ADCY2: variants seen among roughly 807,000 people sequenced by gnomAD.
ADCY2 encodes adenylate cyclase type 2.
Under a neutral mutation model 125.2 loss-of-function variants are expected in ADCY2, and 31 were observed. That is an observed-to-expected ratio of 0.25 (90% confidence interval 0.19 to 0.33). The LOEUF (loss-of-function observed/expected upper bound fraction) is 0.33. Ranked by LOEUF, ADCY2 falls within the 10% of genes least tolerant of loss-of-function variation. The probability of loss-of-function intolerance (pLI) is 1.00; values close to 1 mark genes in which losing one functional copy is unlikely to be tolerated. For synonymous variants in ADCY2, 512 were observed against 548.4 expected, an observed-to-expected ratio of 0.93 and a Z score of 0.93; for missense variants, 904 against 1,418.2, an observed-to-expected ratio of 0.64 and a Z score of 5.82.
intron 3 of ADCY2, among the ~76,000 whole-genome samples, chr5:7,560,765 T>C (rs1239421272): frequency 1.3e-5 from 2 of 152,228 alleles, no homozygotes; most frequent in Non-Finnish European, 2.9e-5. Context: ...GTCAGCTCAC[T>C]GCAACCTCCA....
chr5:7,690,633 T>C, intron 4 of ADCY2, 58 bp from the exon 5 acceptor site: 1 of 1,396,588 alleles, frequency 7.2e-7, no homozygotes, highest in Non-Finnish European at 9.4e-7. Flanking sequence ...CCAATGTTAT[T>C]TGGTCATCCC....
At chr5:7,526,654 C>T (rs531027028) in intron 3 of ADCY2, among the ~76,000 whole-genome samples, 2 of 152,262 alleles carry the variant, frequency 1.3e-5, no homozygotes, top group South Asian at 4.1e-4. Context: ...AGAGAACTAA[C>T]ACATTTTGAA....
At chr5:7,534,047 G>A (rs1438455502) in intron 3 of ADCY2, among the ~76,000 whole-genome samples, 1 of 152,198 alleles carries the variant, frequency 6.6e-6, no homozygotes, top group Non-Finnish European at 1.5e-5. Context: ...CTGGAGTCCA[G>A]CCTCCTGAGT....
chr5:7,656,020 C>CCTCAAACA (rs1739310810), intron 4 of ADCY2, among the ~76,000 whole-genome samples: 1 of 151,910 alleles, frequency 6.6e-6, no homozygotes, highest in Non-Finnish European at 1.5e-5. Flanking sequence ...AGACACCTCT[C>CCTCAAACA]CTCAAACATG....
At chr5:7,479,254 C>T (rs558481401) in intron 2 of ADCY2, among the ~76,000 whole-genome samples, 17 of 152,016 alleles carry the variant, frequency 1.1e-4, no homozygotes, top group African/African-American at 4.1e-4. Context: ...ATAAATAAAC[C>T]ATGGTGTCGC....
chr5:7,685,803 T>C (rs1740503318), intron 4 of ADCY2, among the ~76,000 whole-genome samples: 1 of 152,188 alleles, frequency 6.6e-6, no homozygotes, highest in South Asian at 2.1e-4. Context: ...CATTTTGTGT[T>C]GATGGACAAC....
At chr5:7,594,758 T>C (rs1429512002) in intron 3 of ADCY2, among the ~76,000 whole-genome samples, 2 of 152,182 alleles carry the variant, frequency 1.3e-5, no homozygotes, top group African/African-American at 4.8e-5. Flanking sequence ...TTTTCTATAT[T>C]TGGGAAACAT....
chr5:7,467,432 G>T (rs773415074), intron 2 of ADCY2, among the ~76,000 whole-genome samples: 1 of 152,144 alleles, frequency 6.6e-6, no homozygotes, highest in Non-Finnish European at 1.5e-5. Flanking sequence ...AGCATTGACC[G>T]CCGTGGAGAA....
intron 2 of ADCY2, among the ~76,000 whole-genome samples, chr5:7,463,618 T>TA (rs33927169): frequency 0.028 from 2,909 of 102,510 alleles, 53 homozygotes; most frequent in African/African-American, 0.054. Flanking sequence ...AGGTGATAGA[T>TA]AAAAAAAAAA....
chr5:7,635,770 TAGAGGAAG>T (rs1738479156), intron 4 of ADCY2, among the ~76,000 whole-genome samples: 1 of 152,166 alleles, frequency 6.6e-6, no homozygotes, highest in South Asian at 2.1e-4. Flanking sequence ...TGAGCAGGAA[TAGAGGAAG>T]ATGAAGAAGC....
At chr5:7,541,315 G>A (rs1734985885) in intron 3 of ADCY2, among the ~76,000 whole-genome samples, 1 of 152,216 alleles carries the variant, frequency 6.6e-6, no homozygotes, top group Admixed American at 6.5e-5. Flanking sequence ...TCAGCAGATG[G>A]TGTGAAATGC....
At chr5:7,668,894 AT>A (rs1739842541) in intron 4 of ADCY2, among the ~76,000 whole-genome samples, 1 of 152,218 alleles carries the variant, frequency 6.6e-6, no homozygotes, top group Non-Finnish European at 1.5e-5. Context: ...ATAGCCTGAA[AT>A]CCACCATAGC....
intron 22 of ADCY2, among the ~76,000 whole-genome samples, chr5:7,810,641 C>A (rs1407509086): frequency 6.6e-6 from 1 of 151,672 alleles, no homozygotes; most frequent in South Asian, 2.1e-4. Context: ...AGTGGGTTAT[C>A]TACCTGAGTT....
At chr5:7,419,429 CAT>C (rs1055744972) in intron 2 of ADCY2, among the ~76,000 whole-genome samples, 7 of 152,214 alleles carry the variant, frequency 4.6e-5, no homozygotes, top group African/African-American at 1.7e-4. Flanking sequence ...CCTACAACCA[CAT>C]GTCACAATGG....
At chr5:7,614,597 C>T (rs1737687147) in intron 3 of ADCY2, among the ~76,000 whole-genome samples, 1 of 152,180 alleles carries the variant, frequency 6.6e-6, no homozygotes, top group Non-Finnish European at 1.5e-5. Context: ...CTGTTTGCTG[C>T]TCCAGACCCA....
intron 3 of ADCY2, among the ~76,000 whole-genome samples, chr5:7,587,084 A>T (rs1248748385): frequency 6.6e-6 from 1 of 152,058 alleles, no homozygotes; most frequent in Non-Finnish European, 1.5e-5. Context: ...GAGTGTCTAG[A>T]GTTATAGACC....
At position 7,699,432 on chromosome 5, in the gene ADCY2, G is replaced by T. The variant is rs374951859; in HGVS notation, c.1109+1058G>T. Among the ~76,000 whole-genome samples the T allele has an allele frequency of 1.4e-4, 21 of 152,090 alleles. No homozygotes were observed. The East Asian group carries it at 2.3e-3, about 17-fold the overall frequency. ...TTTTTTAACTGTCTAACAATTTGGG[G>T]TTGTAAATCTCACCTGTGACTATTT... is the stretch of plus-strand genomic sequence containing the variant. On this transcript the variant is annotated intron_variant, in intron 7 of 24. Transcript: ENST00000338316.
intron 14 of ADCY2, among the ~76,000 whole-genome samples, chr5:7,739,058 A>C (rs1363802742): frequency 1.3e-5 from 2 of 151,916 alleles, no homozygotes; most frequent in African/African-American, 4.8e-5. Context: ...ACTTCCTAAA[A>C]CTAATTAATG....
intron 2 of ADCY2, among the ~76,000 whole-genome samples, chr5:7,506,881 G>A (rs1347125314): frequency 1.5e-5 from 2 of 133,148 alleles, no homozygotes; most frequent in Admixed American, 8.9e-5. Flanking sequence ...CCCGCCTCCC[G>A]GGTTCACGCC....
Sources: allele counts gnomAD v4.1 joint callset (sites outside exome capture counted in the v4.1 genomes callset), GRCh38; gene constraint gnomAD v4.1.1; transcripts MANE v1.5; gene names NCBI Gene and HGNC (gene_info 2026-07-23, HGNC 2026-07-21).